The following DCK variants were observed in gnomAD, a reference collection of about 807,000 sequenced individuals.
DCK encodes the protein deoxycytidine kinase, also known as deoxyadenosine kinase.
In DCK, 23 loss-of-function variants were observed where a neutral mutation model predicts 38.3. The observed-to-expected ratio is 0.60, with a 90% CI of 0.43 to 0.85. The LOEUF is 0.85. Ranked by LOEUF, DCK falls within the 40% of genes least tolerant of loss-of-function variation. The pLI, the probability that DCK is intolerant of heterozygous loss-of-function variation, is 0.00. For synonymous variants in DCK, 108 were observed against 100.6 expected (o/e 1.07, Z -0.44); for missense variants, 259 against 304.4 (o/e 0.85, Z 1.11).
At chr4:70,994,904 C>T (rs970977824) in intron 1 of DCK, among the ~76,000 whole-genome samples, 14 of 152,154 alleles carry the variant, frequency 9.2e-5, no homozygotes, top group African/African-American at 3.4e-4. Context: ...TCTGTATCTC[C>T]AACCACAGGA....
At chr4:71,013,288 G>A (rs1740151570) in intron 2 of DCK, among the ~76,000 whole-genome samples, 1 of 152,184 alleles carries the variant, frequency 6.6e-6, no homozygotes, top group African/African-American at 2.4e-5. Flanking sequence ...TCTGATTGGT[G>A]TACCTGAAAG....
At chr4:71,027,592 T>C (rs1404488787) in intron 6 of DCK, among the ~76,000 whole-genome samples, 1 of 152,194 alleles carries the variant, frequency 6.6e-6, no homozygotes, top group African/African-American at 2.4e-5. Flanking sequence ...TCCTTTCTTT[T>C]GTGGCATAAT....
intron 2 of DCK, among the ~76,000 whole-genome samples, chr4:71,003,046 T>C (rs1232941128): frequency 6.6e-6 from 1 of 152,230 alleles, no homozygotes; most frequent in Non-Finnish European, 1.5e-5. Context: ...AGTTTCTTCA[T>C]AGTGTCGATG....
At chr4:71,005,224 C>T (rs900631204) in intron 2 of DCK, among the ~76,000 whole-genome samples, 2 of 151,816 alleles carry the variant, frequency 1.3e-5, no homozygotes, top group Non-Finnish European at 2.9e-5. Flanking sequence ...GGAGGGAGTT[C>T]CCCCACCCCT....
At chr4:71,005,853 C>T (rs1398748973) in intron 2 of DCK, among the ~76,000 whole-genome samples, 11 of 151,468 alleles carry the variant, frequency 7.3e-5, no homozygotes, top group Admixed American at 2.0e-4. Flanking sequence ...AGGCCGGGTG[C>T]GGTGGCTCAC....
chr4:71,022,495 G>A lies in DCK; in HGVS notation c.336G>A (p.Leu112=). The change falls in exon 3 of 7, where the codon CTG becomes CTA. Residue 112 remains leucine (L), a synonymous_variant. Coordinates refer to ENST00000286648, the MANE Select transcript of DCK (RefSeq NM_000788.3). ...LSRIRAQLAS[L]NGKLKDAEKP... is the part of the protein sequence containing the mutation. ...GAATAAGAGCTCAGCTTGCCTCTCT[G>A]AATGGCAAGCTCAAAGATGCAGAGA... 6.2e-7 allele frequency: 1 copy of A among 1,607,546 alleles called. No individual in the cohort carries two copies. The highest frequency in any genetic ancestry group is 1.1e-5 in the South Asian group (1 of 89,520).
chr4:71,023,716 A>G lies in DCK; in HGVS notation c.549+10A>G. 6.3e-7 allele frequency: 1 copy of G among 1,596,704 alleles called. No homozygotes were observed. Among genetic ancestry groups the G allele is most frequent in the Non-Finnish European group, 8.5e-7 (1 of 1,174,578 alleles). On this transcript the variant is annotated intron_variant, in intron 4 of 6. Coordinates refer to ENST00000286648, the MANE Select transcript of DCK (RefSeq NM_000788.3). ...TCAAGCCACTCCAGAGGTAAAACCC[A>G]ATAAAAATGTGTTTCACTGAAAATT... is the stretch of plus-strand genomic sequence containing the variant.
At chr4:71,004,252 C>G (rs1254512215) in intron 2 of DCK, among the ~76,000 whole-genome samples, 1 of 152,204 alleles carries the variant, frequency 6.6e-6, no homozygotes, top group Admixed American at 6.5e-5. Flanking sequence ...TGGAGGTCCA[C>G]TGCAGATCCT....
chr4:70,993,870 T>C lies in DCK; in HGVS notation c.35T>C (p.Phe12Ser). The change falls in exon 1 of 7, where the codon TTC (phenylalanine) becomes TCC (serine). Residue 12 changes from phenylalanine to serine, a missense_variant. By Grantham distance (155) the Phe-to-Ser change is radical (BLOSUM62 -2). Coordinates refer to ENST00000286648, the MANE Select transcript of DCK (RefSeq NM_000788.3). ...CCGCCCAAGAGAAGCTGCCCGTCTT[T>C]CTCAGCCAGCTCTGAGGGGACCCGC... ...ATPPKRSCPSFSASSEGTRIK... is the reference protein window; with the variant it reads ...ATPPKRSCPSSSASSEGTRIK... 1 of 1,613,992 alleles carries C rather than the reference T, an allele frequency of 6.2e-7. No individual in the cohort carries two copies.
chr4:71,025,961 T>G, intron 5 of DCK, 30 bp downstream of exon 5: 1 of 1,534,022 alleles, frequency 6.5e-7, no homozygotes, highest in Non-Finnish European at 8.7e-7. Context: ...ACTATTCATT[T>G]TAAATACCTT....
intron 6 of DCK, among the ~76,000 whole-genome samples, chr4:71,028,976 C>T (rs145832588): frequency 2.0e-5 from 3 of 152,112 alleles, no homozygotes; most frequent in Non-Finnish European, 4.4e-5. Context: ...AGGCAGGTCT[C>T]GAACTCCTGA....
At chr4:71,012,912 G>C (rs1467983323) in intron 2 of DCK, among the ~76,000 whole-genome samples, 2 of 152,254 alleles carry the variant, frequency 1.3e-5, no homozygotes, top group African/African-American at 4.8e-5. Flanking sequence ...AAGCTGGACG[G>C]AGAATGACTT....
At chr4:71,001,179 A>C (rs969005272) in intron 2 of DCK, among the ~76,000 whole-genome samples, 3 of 152,166 alleles carry the variant, frequency 2.0e-5, no homozygotes, top group African/African-American at 7.2e-5. Context: ...TAGTTTATTG[A>C]GAGTTTTTAG....
chr4:71,013,571 C>T (rs1009996295), intron 2 of DCK, among the ~76,000 whole-genome samples: 5 of 152,180 alleles, frequency 3.3e-5, no homozygotes, highest in South Asian at 2.1e-4. Context: ...GCGGCAGAAA[C>T]GCTACAAGCC....
At chr4:71,021,070 T>C (rs967540197) in intron 2 of DCK, among the ~76,000 whole-genome samples, 6 of 144,506 alleles carry the variant, frequency 4.2e-5, no homozygotes, top group Non-Finnish European at 7.6e-5. Context: ...CTATTTCTTT[T>C]TTTTTTTTTT....
At chr4:71,018,213 G>A (rs562557046) in intron 2 of DCK, among the ~76,000 whole-genome samples, 4 of 140,924 alleles carry the variant, frequency 2.8e-5, no homozygotes, top group Admixed American at 7.9e-5. Context: ...TGCAAGCTCC[G>A]CCTCCCAGGT....
At chr4:70,995,393 C>T (rs1739637776) in intron 1 of DCK, among the ~76,000 whole-genome samples, 1 of 152,088 alleles carries the variant, frequency 6.6e-6, no homozygotes, top group Non-Finnish European at 1.5e-5. Context: ...TCCAGATCAG[C>T]CTGGGCAACA....
chr4:71,028,907 G>T (rs1300721511), intron 6 of DCK, among the ~76,000 whole-genome samples: 1 of 152,196 alleles, frequency 6.6e-6, no homozygotes, highest in Admixed American at 6.5e-5. Flanking sequence ...ACAGGCATGT[G>T]CCACTATGCC....
chr4:71,006,682 C>CT (rs1739950098), intron 2 of DCK, among the ~76,000 whole-genome samples: 1 of 152,040 alleles, frequency 6.6e-6, no homozygotes, highest in Admixed American at 6.6e-5. Flanking sequence ...GTAGCCTGCA[C>CT]TTGGGGTTAC....
Sources: allele counts gnomAD v4.1 joint callset (sites outside exome capture counted in the v4.1 genomes callset), GRCh38; gene constraint gnomAD v4.1.1; transcripts MANE v1.5; gene names NCBI Gene and HGNC (gene_info 2026-07-23, HGNC 2026-07-21).